Variants in KCNK3 observed in about 807,000 individuals in gnomAD.
KCNK3 encodes potassium two pore domain channel subfamily K member 3.
In KCNK3, 9 loss-of-function variants were observed where a neutral mutation model predicts 27.3. The ratio of observed to expected loss-of-function variants is 0.33; its 90% confidence interval spans 0.20 to 0.57. KCNK3 has a LOEUF of 0.57. KCNK3 is among the 20% of genes least tolerant of loss of function. KCNK3 has a pLI of 0.87. For missense variants in KCNK3, 391 were observed against 577.7 expected, an observed-to-expected ratio of 0.68 and a Z score of 3.31; for synonymous variants, 278 against 273.8, an observed-to-expected ratio of 1.02 and a Z score of -0.15.
intron 1 of KCNK3, among the ~76,000 whole-genome samples, chr2:26,709,581 A>G (rs1663064380): frequency 6.6e-6 from 1 of 152,210 alleles, no homozygotes; most frequent in South Asian, 2.1e-4. Context: ...GCAGTGCAAC[A>G]TTCAACAGCT....
rs964220204 is a variant in KCNK3, at chr2:26,732,592, T to TG, written c.*4025dup. On this transcript the variant is annotated 3_prime_UTR_variant, in exon 2 of 2. Coordinates refer to ENST00000302909, the MANE Select transcript of KCNK3 (RefSeq NM_002246.3). ...AGGCAGGACACAGCCAGCCCTCCTG[T>TG]GACAGCACTCCTGGCAGCTCCTTGT... The TG allele has an allele frequency of 6.6e-6, 1 of 152,262 alleles. No individual in the cohort carries two copies. Among genetic ancestry groups the TG allele is most frequent in the African/African-American group, 2.4e-5 (1 of 41,458 alleles). The allele number at this position is 152,262 out of a possible 1,614,324, so 9.4% of individuals were successfully genotyped here.
At chr2:26,706,797 G>A (rs1263048759) in intron 1 of KCNK3, among the ~76,000 whole-genome samples, 4 of 152,124 alleles carry the variant, frequency 2.6e-5, no homozygotes, top group African/African-American at 9.7e-5. Flanking sequence ...GTCCTTTCTT[G>A]CAGCTGTGAC....
intron 1 of KCNK3, among the ~76,000 whole-genome samples, chr2:26,714,966 G>C (rs1194639147): frequency 6.6e-6 from 1 of 152,196 alleles, no homozygotes; most frequent in African/African-American, 2.4e-5. Flanking sequence ...CCTGATCCCT[G>C]GGCCCCAGCC....
intron 1 of KCNK3, among the ~76,000 whole-genome samples, chr2:26,707,050 C>T (rs1226437809): frequency 6.6e-6 from 1 of 152,194 alleles, no homozygotes; most frequent in Non-Finnish European, 1.5e-5. Flanking sequence ...TCACCCCATG[C>T]TGTCCGAGCC....
rs538655394 is a variant in KCNK3 at position 26,721,182 on chromosome 2, G to A, written c.284-6485G>A. 2.0e-5 allele frequency among the ~76,000 whole-genome samples: 3 copies of A among 152,274 alleles called. No homozygotes were observed. The South Asian group carries it at 6.2e-4, about 32-fold the overall frequency. On this transcript the variant is annotated intron_variant, in intron 1 of 1. Transcript: ENST00000302909. The surrounding 1 kb of genome is among the most constrained non-coding windows in gnomAD (Gnocchi z 4.3). ...CCACCCCAGGCCTGTGCTGGACACTGAGGGGACAAGCCAGCCCTGCAGGAC... is the reference window on the plus strand; with the variant it reads ...CCACCCCAGGCCTGTGCTGGACACTAAGGGGACAAGCCAGCCCTGCAGGAC...
rs1191806694 is a variant in KCNK3, at chr2:26,728,690, C to T, written c.*122C>T. 6 of 788,596 alleles carry T rather than the reference C, an allele frequency of 7.6e-6. No homozygotes were observed. The highest frequency in any genetic ancestry group is 1.1e-5 in the Non-Finnish European group (6 of 561,608). 48.8% of individuals were successfully genotyped at this position (788,596 alleles called of 1,614,324 possible). ...CCGCACAACATCCCTCACCACTCTC[C>T]CCCAGCACCCCCATCTCCGACTGTG... is the stretch of plus-strand genomic sequence containing the variant. On this transcript the variant is annotated 3_prime_UTR_variant, in exon 2 of 2. Coordinates refer to ENST00000302909, the MANE Select transcript of KCNK3 (RefSeq NM_002246.3).
rs1663478364 is a variant in KCNK3 at position 26,728,607 on chromosome 2, G to T, written c.*39G>T. On this transcript the variant is annotated 3_prime_UTR_variant, in exon 2 of 2. Transcript: ENST00000302909. Reference sequence around the variant, plus strand: ...CCTGGAGCACCTGGGGGCGCGGGCGGGGGACCCCTGCTGGGAGGCCAGGAG... The same window carrying T: ...CCTGGAGCACCTGGGGGCGCGGGCGTGGGACCCCTGCTGGGAGGCCAGGAG... 13 of 1,407,060 alleles carry T rather than the reference G, an allele frequency of 9.2e-6. No individual in the cohort carries two copies. Among genetic ancestry groups the T allele is most frequent in the Non-Finnish European group, 1.0e-5 (11 of 1,081,254 alleles). 87.2% of individuals were successfully genotyped at this position (1,407,060 alleles called of 1,614,324 possible).
Position 26,727,815 on chromosome 2 carries a change from G to T in KCNK3, c.432G>T (p.Lys144Asn). The change falls in exon 2 of 2, where the codon AAG becomes AAT. Residue 144 changes from lysine (K) to asparagine (N), a missense_variant. Physicochemically the swap from Lys to Asn is moderately conservative, Grantham distance 94. Coordinates refer to ENST00000302909, the MANE Select transcript of KCNK3 (RefSeq NM_002246.3). ...TGAGGTACCTGCTGCACCGCGCCAA[G>T]AAGGGGCTGGGCATGCGGCGCGCCG... ...TLVRYLLHRA[K>N]KGLGMRRADV... The T allele has an allele frequency of 6.2e-7, 1 of 1,611,610 alleles. No individual in the cohort carries two copies. The highest frequency in any genetic ancestry group is 8.5e-7 in the Non-Finnish European group (1 of 1,178,062).
At chr2:26,694,260 T>C (rs890300325) in intron 1 of KCNK3, among the ~76,000 whole-genome samples, 1 of 152,184 alleles carries the variant, frequency 6.6e-6, no homozygotes, top group African/African-American at 2.4e-5. Flanking sequence ...GATTCTGAGA[T>C]GAAACCCACC....
intron 1 of KCNK3, among the ~76,000 whole-genome samples, chr2:26,718,896 G>A (rs1435009308): frequency 1.3e-5 from 2 of 152,186 alleles, no homozygotes; most frequent in Non-Finnish European, 2.9e-5. Context: ...GCATGAACGA[G>A]TGTGCCCAGC....
chr2:26,695,506 TG>T (rs1315443731), intron 1 of KCNK3, among the ~76,000 whole-genome samples: 1 of 152,238 alleles, frequency 6.6e-6, no homozygotes, highest in Non-Finnish European at 1.5e-5. Context: ...GAGGATGATC[TG>T]GGTGACACGC....
At chr2:26,723,756 A>C (rs1663363451) in intron 1 of KCNK3, among the ~76,000 whole-genome samples, 1 of 152,230 alleles carries the variant, frequency 6.6e-6, no homozygotes, top group Non-Finnish European at 1.5e-5. Flanking sequence ...TGAGAACCTT[A>C]AAACCTATGT....
In KCNK3 at chr2:26,693,655, C is replaced by T. The variant is rs1670199717; in HGVS notation, c.283+497C>T. ...CGGGGCACTTGGGGCCACCCTATAA[C>T]GGCGGCTGTGAGTGTACGTGTGTCT... On this transcript the variant is annotated intron_variant, in intron 1 of 1. Transcript: ENST00000302909. The surrounding 1 kb of genome is among the most constrained non-coding windows in gnomAD (Gnocchi z 5.5). 6.6e-6 allele frequency among the ~76,000 whole-genome samples: 1 copy of T among 152,172 alleles called. No homozygotes were observed. Among genetic ancestry groups the T allele is most frequent in the Non-Finnish European group, 1.5e-5 (1 of 68,034 alleles).
intron 1 of KCNK3, among the ~76,000 whole-genome samples, chr2:26,711,842 G>A (rs1572608206): frequency 6.6e-6 from 1 of 152,268 alleles, no homozygotes; most frequent in East Asian, 1.9e-4. Context: ...GAGAAAGCCA[G>A]CTTGCCCAGA....
chr2:26,716,702 T>G (rs1285207543), intron 1 of KCNK3, among the ~76,000 whole-genome samples: 1 of 152,212 alleles, frequency 6.6e-6, no homozygotes, highest in African/African-American at 2.4e-5. Context: ...CCTCAGGGCC[T>G]CTGCATGGTA....
chr2:26,709,908 C>T (rs1015724995), intron 1 of KCNK3, among the ~76,000 whole-genome samples: 9 of 152,254 alleles, frequency 5.9e-5, no homozygotes, highest in Non-Finnish European at 1.0e-4. Flanking sequence ...CCACCAGCTC[C>T]GCCTGCCTTA....
At position 26,728,936 on chromosome 2, in the gene KCNK3, C is replaced by G. The variant is rs536014807; in HGVS notation, c.*368C>G. 2 of 211,814 alleles carry G rather than the reference C, an allele frequency of 9.4e-6. No individual in the cohort carries two copies. Among genetic ancestry groups the G allele is most frequent in the Non-Finnish European group, 9.3e-6 (1 of 107,516 alleles). 13.1% of individuals were successfully genotyped at this position (211,814 alleles called of 1,614,324 possible). A position where few individuals can be genotyped will look rare whatever the true frequency, so the allele number is the denominator to read the frequency against. On this transcript the variant is annotated 3_prime_UTR_variant, in exon 2 of 2. Coordinates refer to ENST00000302909, the MANE Select transcript of KCNK3 (RefSeq NM_002246.3). Reference sequence around the variant, plus strand: ...CGGAGGGGACTTCATGTTCCGTGTACGTTTGCATCTCTATTTATACCTCTG... The same window carrying G: ...CGGAGGGGACTTCATGTTCCGTGTAGGTTTGCATCTCTATTTATACCTCTG...
At chr2:26,706,523 C>A (rs1172069362) in intron 1 of KCNK3, among the ~76,000 whole-genome samples, 1 of 152,170 alleles carries the variant, frequency 6.6e-6, no homozygotes, top group Admixed American at 6.5e-5. Context: ...GATTTTCCAG[C>A]ATGAGGGTCA....
At chr2:26,713,501 C>A (rs1201561056) in intron 1 of KCNK3, among the ~76,000 whole-genome samples, 1 of 152,086 alleles carries the variant, frequency 6.6e-6, no homozygotes, top group Non-Finnish European at 1.5e-5. Flanking sequence ...GTATGTGGGC[C>A]GGACACGGTG....
Sources: allele counts gnomAD v4.1 joint callset (sites outside exome capture counted in the v4.1 genomes callset), GRCh38; gene constraint gnomAD v4.1.1; non-coding constraint Gnocchi (gnomAD v3.1); transcripts MANE v1.5; gene names NCBI Gene and HGNC (gene_info 2026-07-23, HGNC 2026-07-21).